SHANK2: variants seen among roughly 807,000 people sequenced by gnomAD.
The protein encoded by SHANK2 is SH3 and multiple ankyrin repeat domains protein 2.
In SHANK2, 43 loss-of-function variants were observed where a neutral mutation model predicts 133.7. That is an observed-to-expected ratio of 0.32 (90% CI 0.25 to 0.41). The LOEUF is 0.41. Ranked by LOEUF, SHANK2 falls within the 10% of genes least tolerant of loss-of-function variation. The pLI, the probability that SHANK2 is intolerant of heterozygous loss-of-function variation, is 1.00. For synonymous variants in SHANK2, 1,017 were observed against 952.8 expected (o/e 1.07, Z -1.24); for missense variants, 1,994 against 2,235.8 (o/e 0.89, Z 2.18).
intron 17 of SHANK2, among the ~76,000 whole-genome samples, chr11:70,610,226 C>T (rs529002069): frequency 1.6e-4 from 25 of 152,016 alleles, no homozygotes; most frequent in Non-Finnish European, 3.1e-4. Flanking sequence ...GAAAAGAAAA[C>T]AGTTATGGGA....
chr11:70,722,771 C>T lies in SHANK2; in HGVS notation c.1778-24008G>A, dbSNP rs183176181. On this transcript the variant is annotated intron_variant, in intron 14 of 25. Transcript: ENST00000601538. ...CACTACCTCCTAACATAGTGTACCT[C>T]GAAGGCTGCTGGTGACTTAACCTGG... Among the ~76,000 whole-genome samples the T allele has an allele frequency of 2.0e-3, 307 of 152,202 alleles. 2 individuals are homozygous for T. Among genetic ancestry groups the T allele is most frequent in the South Asian group, 2.9e-3 (14 of 4,820 alleles).
At chr11:70,815,969 C>T (rs1948385753) in intron 12 of SHANK2, among the ~76,000 whole-genome samples, 1 of 152,218 alleles carries the variant, frequency 6.6e-6, no homozygotes, top group South Asian at 2.1e-4. Context: ...TCCTACCTGG[C>T]CATCTCTGCT....
At position 70,485,711 on chromosome 11, in the gene SHANK2, C is replaced by T. The variant is rs782077433; in HGVS notation, c.4582G>A (p.Asp1528Asn). Residue 1528 changes from aspartate (D) to asparagine (N), a missense_variant, in exon 25 of 26, where the codon GAC (aspartate) becomes AAC (asparagine). This residue lies in a region of SHANK2 where 797 missense variants were observed against 907.4 expected (regional missense o/e 0.88). Transcript: ENST00000601538. This position sits in a 1 kb window ranked among gnomAD's most constrained non-coding sequence, Gnocchi z 5.8. ...TLSSEGGENV[D>N]TCTVYADGQA... ...CCATCTGCATAGACTGTGCAGGTGT[C>T]CACATTCTCTCCACCTTCGGAAGAC... The T allele has an allele frequency of 6.2e-7, 1 of 1,613,906 alleles. No individual in the cohort carries two copies. The highest frequency in any genetic ancestry group is 8.5e-7 in the Non-Finnish European group (1 of 1,180,028).
intron 17 of SHANK2, among the ~76,000 whole-genome samples, chr11:70,507,611 C>T (rs976175016): frequency 1.3e-5 from 2 of 152,238 alleles, no homozygotes; most frequent in African/African-American, 4.8e-5. Context: ...GTGGCCATCC[C>T]GTCTGTCACC....
At chr11:71,165,908 C>T (rs1416708010) in intron 2 of SHANK2, among the ~76,000 whole-genome samples, 2 of 152,162 alleles carry the variant, frequency 1.3e-5, no homozygotes, top group Admixed American at 6.5e-5. Flanking sequence ...GAGCACCCTC[C>T]ATGAGCACTC....
chr11:70,701,009 T>C (rs1324463694), intron 14 of SHANK2, among the ~76,000 whole-genome samples: 1 of 152,216 alleles, frequency 6.6e-6, no homozygotes, highest in East Asian at 1.9e-4. Context: ...CTTTTAATTG[T>C]CTCTGCTCCT....
intron 14 of SHANK2, among the ~76,000 whole-genome samples, chr11:70,713,832 C>A (rs1436051512): frequency 6.6e-6 from 1 of 152,242 alleles, no homozygotes; most frequent in African/African-American, 2.4e-5. Flanking sequence ...ATGCTCCCAG[C>A]AACACTACAA....
chr11:71,130,627 T>G (rs1306563887), intron 3 of SHANK2, among the ~76,000 whole-genome samples: 1 of 152,144 alleles, frequency 6.6e-6, no homozygotes. Flanking sequence ...GAGGCTTGGA[T>G]TACACAGATG....
intron 17 of SHANK2, among the ~76,000 whole-genome samples, chr11:70,584,524 C>G (rs79243931): frequency 0.031 from 4,770 of 152,236 alleles, 124 homozygotes; most frequent in East Asian, 0.097. Flanking sequence ...GCCCCCATCA[C>G]CCCAGGGCTG....
At chr11:71,124,767 G>C (rs1590935657) in intron 3 of SHANK2, among the ~76,000 whole-genome samples, 1 of 152,128 alleles carries the variant, frequency 6.6e-6, no homozygotes, top group African/African-American at 2.4e-5. Context: ...TCATAAATTA[G>C]AGGCATATCC....
chr11:71,158,103 C>T (rs1267635400), intron 2 of SHANK2, among the ~76,000 whole-genome samples: 6 of 152,150 alleles, frequency 3.9e-5, no homozygotes, highest in African/African-American at 1.4e-4. Context: ...CTGTAGCAAA[C>T]ATCAAAAATA....
chr11:70,756,761 A>G (rs781997706), intron 14 of SHANK2, among the ~76,000 whole-genome samples: 10 of 152,198 alleles, frequency 6.6e-5, no homozygotes, highest in Admixed American at 1.3e-4. Context: ...AGCGTTGAAC[A>G]TATTCTGACA....
At chr11:70,685,707 G>C (rs1271416046) in intron 15 of SHANK2, among the ~76,000 whole-genome samples, 1 of 152,110 alleles carries the variant, frequency 6.6e-6, no homozygotes, top group Non-Finnish European at 1.5e-5. Context: ...GGGAGGACAG[G>C]GGGCAGTCTC....
chr11:70,910,950 CA>C (rs1555078875), intron 10 of SHANK2: 1 of 456,418 alleles, frequency 2.2e-6, no homozygotes, highest in African/African-American at 2.0e-5. Flanking sequence ...CACATGTGCA[CA>C]TAATTCGATT....
chr11:70,504,018 C>T (rs550613840), intron 17 of SHANK2, among the ~76,000 whole-genome samples: 38 of 152,316 alleles, frequency 2.5e-4, no homozygotes, highest in East Asian at 5.8e-4. Context: ...TGAATGGGAG[C>T]GCAGCCCAGA....
intron 17 of SHANK2, among the ~76,000 whole-genome samples, chr11:70,606,883 T>C (rs2060586090): frequency 1.3e-5 from 2 of 152,166 alleles, no homozygotes; most frequent in Non-Finnish European, 2.9e-5. Flanking sequence ...GCTGTTTTCA[T>C]CCTTCAGTGC....
At chr11:70,921,737 G>C (rs1950354745) in intron 10 of SHANK2, among the ~76,000 whole-genome samples, 1 of 152,190 alleles carries the variant, frequency 6.6e-6, no homozygotes, top group Non-Finnish European at 1.5e-5. Flanking sequence ...ACCCAGCCTT[G>C]ACTCAGCTCA....
chr11:71,205,845 T>C (rs1954116626), intron 2 of SHANK2, among the ~76,000 whole-genome samples: 1 of 152,028 alleles, frequency 6.6e-6, no homozygotes, highest in African/African-American at 2.4e-5. Flanking sequence ...CTTGGGGCCA[T>C]GTCAAGAGTC....
At chr11:70,514,467 G>T (rs2059241815) in intron 17 of SHANK2, among the ~76,000 whole-genome samples, 1 of 152,198 alleles carries the variant, frequency 6.6e-6, no homozygotes, top group Non-Finnish European at 1.5e-5. Context: ...AATAAAAGAT[G>T]ATTCTCCCTC....
Sources: gnomAD v4.1 joint callset for allele counts (sites outside exome capture counted in the v4.1 genomes callset) on GRCh38, gnomAD v4.1.1 for gene constraint, gnomAD v4.1.1 regional missense constraint, Gnocchi (gnomAD v3.1) non-coding constraint, MANE v1.5 for transcripts, NCBI Gene and HGNC (gene_info 2026-07-23, HGNC 2026-07-21) for gene names.